The following PCDH15 variants were observed in gnomAD, a reference collection of about 807,000 sequenced individuals.
PCDH15 encodes protocadherin related 15.
PCDH15 carries 129 observed loss-of-function variants against 178.5 expected under a neutral mutation model. The observed-to-expected ratio is 0.72, with a 90% confidence interval of 0.63 to 0.84. The LOEUF (loss-of-function observed/expected upper bound fraction) is 0.84. Among genes scored for constraint, PCDH15 ranks in the 40% least tolerant of loss-of-function variants. PCDH15 has a pLI of 0.00. For synonymous variants in PCDH15, 800 were observed against 732.0 expected, an observed-to-expected ratio of 1.09 and a Z score of -1.50; for missense variants, 2,230 against 2,099.9, an observed-to-expected ratio of 1.06 and a Z score of -1.21.
chr10:54,731,564 A>ATATATATATATATATG (rs1491229343), intron 1 of PCDH15, among the ~76,000 whole-genome samples: 5,314 of 43,180 alleles, frequency 0.12, 491 homozygotes, highest in East Asian at 0.23. Flanking sequence ...ATATATATAT[A>ATATATATATATATATG]CACACACACA....
chr10:54,556,136 T>A (rs143077240), intron 2 of PCDH15, among the ~76,000 whole-genome samples: 2 of 152,352 alleles, frequency 1.3e-5, no homozygotes, highest in East Asian at 3.9e-4. Context: ...CCTGTTTTCC[T>A]GTGGTGCCAA....
At chr10:55,318,766 G>A (rs778260135) in intron 1 of PCDH15, among the ~76,000 whole-genome samples, 1 of 152,106 alleles carries the variant, frequency 6.6e-6, no homozygotes, top group Middle Eastern at 3.2e-3. Flanking sequence ...CTAAGTGCAG[G>A]TCAAGATAAA....
intron 26 of PCDH15, among the ~76,000 whole-genome samples, chr10:53,892,260 C>T (rs1418535598): frequency 2.0e-5 from 3 of 151,812 alleles, no homozygotes; most frequent in African/African-American, 2.4e-5. Flanking sequence ...CTCCTGACCT[C>T]GTGATCCACC....
intron 3 of PCDH15, among the ~76,000 whole-genome samples, chr10:54,892,167 A>C (rs1459018711): frequency 6.6e-6 from 1 of 152,056 alleles, no homozygotes; most frequent in African/African-American, 2.4e-5. Context: ...TTCAAAAGAG[A>C]CCAAATAATG....
At chr10:54,754,375 T>C (rs1946776582) in intron 1 of PCDH15, among the ~76,000 whole-genome samples, 1 of 152,148 alleles carries the variant, frequency 6.6e-6, no homozygotes, top group South Asian at 2.1e-4. Context: ...CGTTCCATGA[T>C]TGAAAGCTAC....
chr10:54,579,368 C>T (rs902709815), intron 2 of PCDH15, among the ~76,000 whole-genome samples: 2 of 151,860 alleles, frequency 1.3e-5, no homozygotes, highest in African/African-American at 2.4e-5. Context: ...AGAATTTAAA[C>T]CAATAATAAT....
At chr10:54,706,828 G>A (rs1370938951) in intron 1 of PCDH15, among the ~76,000 whole-genome samples, 15 of 152,032 alleles carry the variant, frequency 9.9e-5, no homozygotes, top group Non-Finnish European at 4.4e-5. Context: ...TCACCATGTG[G>A]GCCAAGCTGG....
chr10:54,397,005 G>A (rs1424631626), intron 3 of PCDH15, among the ~76,000 whole-genome samples: 2 of 151,788 alleles, frequency 1.3e-5, no homozygotes, highest in Admixed American at 6.6e-5. Flanking sequence ...ATATTGTGTC[G>A]AACTATGAAT....
chr10:54,934,166 G>A (rs1837848743), intron 2 of PCDH15, among the ~76,000 whole-genome samples: 1 of 151,976 alleles, frequency 6.6e-6, no homozygotes, highest in Admixed American at 6.6e-5. Flanking sequence ...TAATTTGTGG[G>A]AATTTTTTTG....
chr10:54,428,166 C>A (rs1330034023), intron 3 of PCDH15, among the ~76,000 whole-genome samples: 1 of 152,166 alleles, frequency 6.6e-6, no homozygotes, highest in African/African-American at 2.4e-5. Flanking sequence ...GTACCTTTCA[C>A]GAAATATTGC....
rs1290806761 is a variant in PCDH15, at chr10:54,315,194, ATC to A, written c.876+2075_876+2076del. ...CCCTTTTCTCTGCAACCTTGCCAGC[ATC>A]TGTTATTTTTTGACTTTTTAATAAT... On this transcript the variant is annotated intron_variant, in intron 8 of 37. Coordinates refer to ENST00000644397, the MANE Select transcript of PCDH15 (RefSeq NM_001384140.1). Among the ~76,000 whole-genome samples, 17 of 152,284 alleles carry A rather than the reference ATC, an allele frequency of 1.1e-4. No homozygotes were observed. In the East Asian group the frequency reaches 3.1e-3, roughly 28 times the overall value.
At chr10:54,198,626 C>T (rs1216669243) in intron 10 of PCDH15, among the ~76,000 whole-genome samples, 2 of 115,036 alleles carry the variant, frequency 1.7e-5, no homozygotes, top group Non-Finnish European at 3.3e-5. Flanking sequence ...CTCAGCCTCC[C>T]AAGTAGTTGG....
chr10:55,136,071 G>C (rs915314914), intron 2 of PCDH15, among the ~76,000 whole-genome samples: 1 of 152,038 alleles, frequency 6.6e-6, no homozygotes, highest in African/African-American at 2.4e-5. Flanking sequence ...TTATACATTT[G>C]TAACAACTAT....
chr10:54,368,805 G>A (rs567486606), intron 5 of PCDH15, among the ~76,000 whole-genome samples: 1 of 152,020 alleles, frequency 6.6e-6, no homozygotes, highest in African/African-American at 2.4e-5. Context: ...TTAGATAAAT[G>A]CCTTAGGATA....
At chr10:55,277,467 C>G (rs1200164433) in intron 1 of PCDH15, among the ~76,000 whole-genome samples, 1 of 151,994 alleles carries the variant, frequency 6.6e-6, no homozygotes, top group Non-Finnish European at 1.5e-5. Flanking sequence ...CTTGTAAATA[C>G]TTACAAAAAT....
chr10:54,414,132 T>A (rs1953971222), intron 3 of PCDH15, among the ~76,000 whole-genome samples: 1 of 152,070 alleles, frequency 6.6e-6, no homozygotes, highest in Admixed American at 6.6e-5. Context: ...TTTATAATAG[T>A]GACATGAACT....
intron 2 of PCDH15, among the ~76,000 whole-genome samples, chr10:54,922,398 C>A (rs1837516664): frequency 6.6e-6 from 1 of 152,108 alleles, no homozygotes; most frequent in Non-Finnish European, 1.5e-5. Context: ...GAGCTATAGG[C>A]CCTATGCAAT....
At chr10:54,989,204 AG>A (rs1839444681) in intron 2 of PCDH15, among the ~76,000 whole-genome samples, 1 of 152,194 alleles carries the variant, frequency 6.6e-6, no homozygotes, top group Admixed American at 6.5e-5. Flanking sequence ...CCCAGGCAGA[AG>A]TTTGCTGCAG....
chr10:54,181,528 A>G (rs1290119557), intron 13 of PCDH15, among the ~76,000 whole-genome samples: 1 of 152,038 alleles, frequency 6.6e-6, no homozygotes. Context: ...TAATTTTTCA[A>G]TTGTCTCTTC....
Sources: allele counts gnomAD v4.1 joint callset (sites outside exome capture counted in the v4.1 genomes callset), GRCh38; gene constraint gnomAD v4.1.1; transcripts MANE v1.5; gene names NCBI Gene and HGNC (gene_info 2026-07-23, HGNC 2026-07-21).